Variants in USP6NL observed in about 807,000 individuals in gnomAD.
USP6NL encodes USP6 N-terminal-like protein.
A neutral mutation model predicts 61.9 loss-of-function variants in USP6NL; 26 were observed. That is an observed-to-expected ratio of 0.42 (90% CI 0.31 to 0.58). The LOEUF (loss-of-function observed/expected upper bound fraction) is 0.58. USP6NL is among the 20% of genes least tolerant of loss of function. USP6NL has a pLI of 0.16. For synonymous variants in USP6NL, 432 were observed against 390.1 expected (o/e 1.11, Z -1.27); for missense variants, 1,114 against 1,034.3 (o/e 1.08, Z -1.06).
intron 2 of USP6NL, among the ~76,000 whole-genome samples, chr10:11,586,870 C>G (rs1159079990): frequency 1.3e-5 from 2 of 152,162 alleles, no homozygotes; most frequent in African/African-American, 4.8e-5. Context: ...ATGTCAGTCT[C>G]GATCTCTCAA....
At chr10:11,509,187 T>G (rs1241866565) in intron 6 of USP6NL, among the ~76,000 whole-genome samples, 3 of 152,222 alleles carry the variant, frequency 2.0e-5, no homozygotes, top group Non-Finnish European at 4.4e-5. Context: ...CAGCCCTCTC[T>G]CTTTCTGAGC....
chr10:11,536,697 T>C (rs1036921501), intron 2 of USP6NL, among the ~76,000 whole-genome samples: 11 of 152,206 alleles, frequency 7.2e-5, no homozygotes, highest in African/African-American at 2.2e-4. Context: ...TTATTTAAGG[T>C]TGACAATCCA....
chr10:11,541,230 C>CATATAT (rs71378797), intron 2 of USP6NL, among the ~76,000 whole-genome samples: 600 of 43,146 alleles, frequency 0.014, 19 homozygotes, highest in Middle Eastern at 0.019. Context: ...TCAATAGTGC[C>CATATAT]ATATATATAT....
intron 10 of USP6NL, among the ~76,000 whole-genome samples, chr10:11,486,733 A>C (rs1468479744): frequency 1.3e-5 from 2 of 152,200 alleles, no homozygotes; most frequent in African/African-American, 4.8e-5. Flanking sequence ...CATCCTTCTT[A>C]GATATTCATG....
intron 2 of USP6NL, among the ~76,000 whole-genome samples, chr10:11,581,744 CTTT>C (rs1407866741): frequency 2.0e-5 from 3 of 152,156 alleles, no homozygotes; most frequent in South Asian, 2.1e-4. Context: ...TCCTTCATTT[CTTT>C]GTCATTCTAC....
At chr10:11,609,254 C>T (rs1234415830) in intron 1 of USP6NL, among the ~76,000 whole-genome samples, 1 of 151,994 alleles carries the variant, frequency 6.6e-6, no homozygotes, top group Non-Finnish European at 1.5e-5. Flanking sequence ...TTAGTAGGAA[C>T]GGGGGTTTCA....
At chr10:11,576,152 G>A (rs541518057) in intron 2 of USP6NL, among the ~76,000 whole-genome samples, 64 of 151,016 alleles carry the variant, frequency 4.2e-4, no homozygotes, top group Admixed American at 7.9e-4. Context: ...AAATGTTAAC[G>A]CTGGGGAAAT....
At chr10:11,506,396 C>T (rs1834432953) in intron 6 of USP6NL, among the ~76,000 whole-genome samples, 2 of 152,142 alleles carry the variant, frequency 1.3e-5, no homozygotes, top group Non-Finnish European at 2.9e-5. Context: ...AATCCCAATG[C>T]TTTTGGAGGC....
intron 8 of USP6NL, among the ~76,000 whole-genome samples, 191 bp downstream of exon 8, chr10:11,492,928 A>G (rs982909660): frequency 1.3e-5 from 2 of 152,200 alleles, no homozygotes; most frequent in African/African-American, 4.8e-5. Flanking sequence ...AGCACGTGCT[A>G]TATCAAAGGT....
At position 11,465,660 on chromosome 10, in the gene USP6NL, G is replaced by A. The variant is rs1867268; in HGVS notation, c.1079-1811C>T. 0.032 allele frequency among the ~76,000 whole-genome samples: 4,862 copies of A among 152,250 alleles called. 114 individuals carry two copies. The highest frequency in any genetic ancestry group is 0.04 in the Non-Finnish European group (2,747 of 68,006). On this transcript the variant is annotated intron_variant, in intron 14 of 14. Transcript: ENST00000609104. The surrounding 1 kb of genome is among the most constrained non-coding windows in gnomAD (Gnocchi z 4.5). ...GCTCTCCCCACACCGTGCTGGCAGC[G>A]GAAGCACCCAAGCTGCTCTCAGTGC...
At chr10:11,555,095 T>G (rs1454183585) in intron 2 of USP6NL, among the ~76,000 whole-genome samples, 2 of 128,888 alleles carry the variant, frequency 1.6e-5, no homozygotes, top group Non-Finnish European at 3.3e-5. Flanking sequence ...CTGGCCTGTT[T>G]TTTTTTTTTT....
At chr10:11,550,869 C>T (rs1014269230) in intron 2 of USP6NL, among the ~76,000 whole-genome samples, 2 of 149,264 alleles carry the variant, frequency 1.3e-5, no homozygotes, top group African/African-American at 4.9e-5. Context: ...CCAAAAAATA[C>T]ACTAAAAGAT....
chr10:11,504,254 T>C (rs1834339850), intron 6 of USP6NL, among the ~76,000 whole-genome samples: 1 of 152,230 alleles, frequency 6.6e-6, no homozygotes, highest in Non-Finnish European at 1.5e-5. Context: ...TTAACTATCA[T>C]AGAAGTTTTA....
chr10:11,462,483 C>T lies in USP6NL; in HGVS notation c.2445G>A (p.Arg815=). Residue 815 remains arginine, a synonymous_variant, in exon 15 of 15, where the codon AGG becomes AGA. Coordinates refer to ENST00000609104, the MANE Select transcript of USP6NL (RefSeq NM_014688.5). The part of the protein sequence containing the change: ...SGPPPPAYHY[R]NRDGLSIQES... ...CTTGGATGGAAAGCCCGTCCCGATT[C>T]CTGTAGTGGTAGGCTGGAGGCGGGG... 6.2e-7 allele frequency: 1 copy of T among 1,613,970 alleles called. No individual in the cohort carries two copies. Among genetic ancestry groups the T allele is most frequent in the Non-Finnish European group, 8.5e-7 (1 of 1,179,888 alleles).
intron 2 of USP6NL, chr10:11,565,202 A>G (rs772252783): frequency 6.6e-6 from 1 of 152,244 alleles, no homozygotes; most frequent in Non-Finnish European, 1.5e-5. Flanking sequence ...TTCTTTTAAC[A>G]CTATTTTTCC....
At position 11,525,537 on chromosome 10, in the gene USP6NL, G is replaced by T; in HGVS notation, c.73-69C>A. The T allele has an allele frequency of 7.4e-7, 1 of 1,346,090 alleles. No homozygotes were observed. Among genetic ancestry groups the T allele is most frequent in the Non-Finnish European group, 1.0e-6 (1 of 995,232 alleles). The allele number at this position is 1,346,090 out of a possible 1,614,324, so 83.4% of individuals were successfully genotyped here. ...ACTGAATAATTTTTTAAAATAAAAGGACGAAGAAATAAGAGCTATTTTTAA... is the reference window on the plus strand; with the variant it reads ...ACTGAATAATTTTTTAAAATAAAAGTACGAAGAAATAAGAGCTATTTTTAA... On this transcript the variant is annotated intron_variant, in intron 3 of 14. Transcript: ENST00000609104. This position sits in a 1 kb window ranked among gnomAD's most constrained non-coding sequence, Gnocchi z 5.0.
At chr10:11,484,929 T>C (rs1289252660) in intron 13 of USP6NL, 42 bp downstream of exon 13, 1 of 1,447,436 alleles carries the variant, frequency 6.9e-7, no homozygotes, top group East Asian at 2.5e-5. Flanking sequence ...TAAATAAGCC[T>C]CAATTTTTAA....
chr10:11,550,113 T>G (rs1167453885), intron 2 of USP6NL, among the ~76,000 whole-genome samples: 1 of 152,164 alleles, frequency 6.6e-6, no homozygotes, highest in Non-Finnish European at 1.5e-5. Flanking sequence ...GGCCTTTACC[T>G]CAACAGTATT....
intron 14 of USP6NL, among the ~76,000 whole-genome samples, chr10:11,469,913 T>C (rs1472102695): frequency 6.6e-6 from 1 of 152,198 alleles, no homozygotes; most frequent in African/African-American, 2.4e-5. Context: ...CCATGAACAT[T>C]TGCTGATGCT....
Sources: gnomAD v4.1 joint callset for allele counts (sites outside exome capture counted in the v4.1 genomes callset) on GRCh38, gnomAD v4.1.1 for gene constraint, Gnocchi (gnomAD v3.1) non-coding constraint, MANE v1.5 for transcripts, NCBI Gene and HGNC (gene_info 2026-07-23, HGNC 2026-07-21) for gene names.